Variants in SLC9A9 observed in about 807,000 individuals in gnomAD.
SLC9A9 encodes solute carrier family 9 member A9.
Under a neutral mutation model 77.8 loss-of-function variants are expected in SLC9A9, and 62 were observed. That is an observed-to-expected ratio of 0.80 (90% CI 0.65 to 0.98). SLC9A9 has a LOEUF of 0.98. SLC9A9 is among the 50% of genes least tolerant of loss of function. SLC9A9 has a pLI of 0.00. For missense variants in SLC9A9, 775 were observed against 774.9 expected (o/e 1.00, Z 0.00); for synonymous variants, 320 against 283.5 (o/e 1.13, Z -1.29).
chr3:143,271,269 T>A (rs1238799618), intron 14 of SLC9A9, among the ~76,000 whole-genome samples: 1 of 152,204 alleles, frequency 6.6e-6, no homozygotes, highest in East Asian at 1.9e-4. Flanking sequence ...TTAGTGAGTA[T>A]GAGGACTAAA....
rs1458586390 is a variant in SLC9A9, at chr3:143,416,039, G to A, written c.1470-33925C>T. On this transcript the variant is annotated intron_variant, in intron 12 of 15. Coordinates refer to ENST00000316549, the MANE Select transcript of SLC9A9 (RefSeq NM_173653.4). ...AGTGGGGCTCAAGGTTTCAGTGGAG[G>A]AAGTAACACAGATGTGGTAGAAATA... Among the ~76,000 whole-genome samples, 8 of 152,144 alleles carry A rather than the reference G, an allele frequency of 5.3e-5. No individual in the cohort carries two copies. The East Asian group carries it at 1.5e-3, about 29-fold the overall frequency.
At chr3:143,573,635 A>G (rs1000994695) in intron 8 of SLC9A9, among the ~76,000 whole-genome samples, 7 of 152,110 alleles carry the variant, frequency 4.6e-5, no homozygotes, top group Non-Finnish European at 1.0e-4. Flanking sequence ...GCCATGGAAC[A>G]TATGTGAAGA....
intron 4 of SLC9A9, among the ~76,000 whole-genome samples, chr3:143,705,056 T>C (rs889669502): frequency 7.5e-5 from 3 of 39,790 alleles, no homozygotes; most frequent in Non-Finnish European, 2.2e-4. Context: ...GATATAGATA[T>C]AGATATATAG....
At chr3:143,625,702 T>G (rs565848153) in intron 6 of SLC9A9, among the ~76,000 whole-genome samples, 266 of 152,302 alleles carry the variant, frequency 1.7e-3, no homozygotes, top group Middle Eastern at 3.4e-3. Flanking sequence ...GACATAAGCA[T>G]GGGCAAAGAC....
At chr3:143,501,184 T>C (rs2035917952) in intron 9 of SLC9A9, among the ~76,000 whole-genome samples, 1 of 150,718 alleles carries the variant, frequency 6.6e-6, no homozygotes, top group South Asian at 2.1e-4. Flanking sequence ...TAAGAAATAG[T>C]TAAATAAATT....
intron 1 of SLC9A9, 191 bp downstream of exon 1, chr3:143,847,957 G>A: frequency 4.7e-6 from 3 of 634,164 alleles, no homozygotes; most frequent in Non-Finnish European, 8.4e-6. Context: ...ATTTGCTCTC[G>A]TGACATGGCA....
intron 14 of SLC9A9, among the ~76,000 whole-genome samples, chr3:143,284,212 G>A (rs757211043): frequency 2.0e-5 from 3 of 152,006 alleles, no homozygotes; most frequent in Non-Finnish European, 4.4e-5. Flanking sequence ...CCATTGCTTT[G>A]TAACTGTGAA....
chr3:143,674,207 G>A (rs1015453465), intron 5 of SLC9A9, among the ~76,000 whole-genome samples: 24 of 152,102 alleles, frequency 1.6e-4, no homozygotes, highest in African/African-American at 5.6e-4. Context: ...TTAAGGAAGT[G>A]GAAAGTGAGG....
At chr3:143,332,001 A>T (rs552199999) in intron 14 of SLC9A9, among the ~76,000 whole-genome samples, 25 of 152,324 alleles carry the variant, frequency 1.6e-4, no homozygotes, top group African/African-American at 6.0e-4. Context: ...GACAATGAGA[A>T]CAGCATGAGC....
chr3:143,594,173 C>T (rs143660658), intron 6 of SLC9A9, among the ~76,000 whole-genome samples: 263 of 152,204 alleles, frequency 1.7e-3, no homozygotes, highest in African/African-American at 5.6e-3. Flanking sequence ...ATACAGTACG[C>T]TAGCAAGATA....
intron 2 of SLC9A9, among the ~76,000 whole-genome samples, chr3:143,829,819 G>C (rs533825717): frequency 6.6e-6 from 1 of 152,244 alleles, no homozygotes; most frequent in South Asian, 2.1e-4. Context: ...AGTAACAATG[G>C]TACAATGTGA....
intron 12 of SLC9A9, among the ~76,000 whole-genome samples, chr3:143,393,455 G>T (rs2033620384): frequency 6.6e-6 from 1 of 152,220 alleles, no homozygotes; most frequent in African/African-American, 2.4e-5. Flanking sequence ...AAAACAGTGT[G>T]TAGAGGGAAA....
chr3:143,831,076 C>A lies in SLC9A9; in HGVS notation c.378+943G>T, dbSNP rs73159817. Among the ~76,000 whole-genome samples, 928 of 151,916 alleles carry A rather than the reference C, an allele frequency of 6.1e-3. 3 individuals carry two copies. Among genetic ancestry groups the A allele is most frequent in the South Asian group, 0.026 (125 of 4,806 alleles). On this transcript the variant is annotated intron_variant, in intron 2 of 15. Coordinates refer to ENST00000316549, the MANE Select transcript of SLC9A9 (RefSeq NM_173653.4). ...ATCTTGACTGAGGAAAAATGGCAGA[C>A]CAAGTACCTCCCCTTCTGTTCCAAA...
chr3:143,816,650 G>A (rs923742005), intron 2 of SLC9A9, among the ~76,000 whole-genome samples: 2 of 152,164 alleles, frequency 1.3e-5, no homozygotes, highest in Admixed American at 6.5e-5. Flanking sequence ...GTATACATGT[G>A]AGAGTTTCTC....
At chr3:143,506,340 C>A (rs999493039) in intron 9 of SLC9A9, among the ~76,000 whole-genome samples, 1 of 152,228 alleles carries the variant, frequency 6.6e-6, no homozygotes, top group Non-Finnish European at 1.5e-5. Context: ...AACCACACTA[C>A]TTCCTAAGGA....
At chr3:143,823,018 G>C (rs1450382833) in intron 2 of SLC9A9, among the ~76,000 whole-genome samples, 2 of 152,090 alleles carry the variant, frequency 1.3e-5, no homozygotes, top group Non-Finnish European at 2.9e-5. Context: ...TTAGATGCTT[G>C]GTTACAAAAT....
chr3:143,393,378 A>C (rs191884737), intron 12 of SLC9A9, among the ~76,000 whole-genome samples: 1,671 of 152,362 alleles, frequency 0.011, 15 homozygotes, highest in Middle Eastern at 0.034. Flanking sequence ...TGAAGGCAGA[A>C]ATAAAGATGT....
At chr3:143,588,277 T>C (rs1405182798) in intron 6 of SLC9A9, among the ~76,000 whole-genome samples, 1 of 152,174 alleles carries the variant, frequency 6.6e-6, no homozygotes, top group African/African-American at 2.4e-5. Context: ...TCCAATTTCC[T>C]CCAGGCCTGC....
At chr3:143,524,664 A>C (rs969701461) in intron 9 of SLC9A9, among the ~76,000 whole-genome samples, 1 of 152,188 alleles carries the variant, frequency 6.6e-6, no homozygotes, top group African/African-American at 2.4e-5. Context: ...AAGAGTATAC[A>C]TCTCTATCAA....
Sources: allele counts gnomAD v4.1 joint callset (sites outside exome capture counted in the v4.1 genomes callset), GRCh38; gene constraint gnomAD v4.1.1; transcripts MANE v1.5; gene names NCBI Gene and HGNC (gene_info 2026-07-23, HGNC 2026-07-21).